LAMC3: variants seen among roughly 807,000 people sequenced by gnomAD.
LAMC3 encodes laminin subunit gamma 3.
LAMC3 carries 128 observed loss-of-function variants against 173.8 expected under a neutral mutation model. The observed-to-expected ratio is 0.74, with a 90% CI of 0.64 to 0.85. LAMC3 has a LOEUF of 0.85. LAMC3 is among the 40% of genes least tolerant of loss of function. The pLI is 0.00. For synonymous variants in LAMC3, 897 were observed against 909.1 expected, an observed-to-expected ratio of 0.99 and a Z score of 0.24; for missense variants, 2,022 against 2,156.0, an observed-to-expected ratio of 0.94 and a Z score of 1.23.
chr9:131,069,455 G>A lies in LAMC3; in HGVS notation c.2891-217G>A, dbSNP rs149393913. ...AGTTCCTAAACCTGGCTGGTCCTCAGATCCCGAGGGAACATTGGAATAAGC... is the reference window on the plus strand; with the variant it reads ...AGTTCCTAAACCTGGCTGGTCCTCAAATCCCGAGGGAACATTGGAATAAGC... On this transcript the variant is annotated intron_variant, in intron 16 of 27. Transcript: ENST00000361069. Among the ~76,000 whole-genome samples, 307 of 152,306 alleles carry A rather than the reference G, an allele frequency of 2.0e-3. 1 individual carries two copies. Among genetic ancestry groups the A allele is most frequent in the African/African-American group, 7.0e-3 (291 of 41,564 alleles).
rs983165029 is a variant in LAMC3 at position 131,029,371 on chromosome 9, G to A, written c.679-2674G>A. Among the ~76,000 whole-genome samples the A allele has an allele frequency of 4.6e-5, 7 of 152,228 alleles. No homozygotes were observed. Among genetic ancestry groups the A allele is most frequent in the African/African-American group, 1.7e-4 (7 of 41,460 alleles). On this transcript the variant is annotated intron_variant, in intron 2 of 27. Coordinates refer to ENST00000361069, the MANE Select transcript of LAMC3 (RefSeq NM_006059.4). This position sits in a 1 kb window ranked among gnomAD's most constrained non-coding sequence, Gnocchi z 4.6. ...GATTAGAAAACGTCACCCGAGGTCA[G>A]ATGAAGACAGGCAGGGAGGGCCGGC...
chr9:131,085,663 T>C lies in LAMC3; in HGVS notation c.4170T>C (p.Leu1390=), dbSNP rs1830318810. The change falls in exon 25 of 28, where the codon CTT becomes CTC. Residue 1390 remains leucine, a synonymous_variant. Transcript: ENST00000361069. ...AERMLGNAAP[L]SSSAKKKGRE... Reference sequence around the variant, plus strand: ...GGATGCTGGGAAACGCGGCCCCTCTTTCCTCCAGTGCCAAGAAGAAGGGCA... The same window carrying C: ...GGATGCTGGGAAACGCGGCCCCTCTCTCCTCCAGTGCCAAGAAGAAGGGCA... The C allele has an allele frequency of 1.1e-5, 17 of 1,614,102 alleles. No individual in the cohort carries two copies. The South Asian group carries it at 1.4e-4, about 14-fold the overall frequency.
At chr9:131,090,140 C>G (rs1011984833) in intron 27 of LAMC3, among the ~76,000 whole-genome samples, 1 of 152,116 alleles carries the variant, frequency 6.6e-6, no homozygotes, top group Non-Finnish European at 1.5e-5. Context: ...CACAGCCAGT[C>G]GGTAGGAAAG....
chr9:131,012,054 C>CACACACAT (rs1003451116), intron 1 of LAMC3, among the ~76,000 whole-genome samples: 2 of 107,730 alleles, frequency 1.9e-5, no homozygotes, highest in African/African-American at 3.8e-5. Context: ...AGCGAACACA[C>CACACACAT]ACACACATAC....
chr9:131,069,416 T>C (rs1019229762), intron 16 of LAMC3, among the ~76,000 whole-genome samples: 3 of 152,216 alleles, frequency 2.0e-5, no homozygotes, highest in Non-Finnish European at 2.9e-5. Context: ...CCTGTAGAGT[T>C]GGGCTGCATT....
At position 131,049,109 on chromosome 9, in the gene LAMC3, G is replaced by A. The variant is rs1011715171; in HGVS notation, c.1609G>A (p.Glu537Lys). ...PNGVLLSPED[E>K]EELTAPEKFL... is the part of the protein sequence containing the mutation. ...TGGGGTCCTCCTGAGCCCAGAAGAC[G>A]AGGAGGAGCTCACAGCACCAGGTAC... is the stretch of plus-strand genomic sequence containing the variant. The change falls in exon 9 of 28, where the codon GAG becomes AAG. Residue 537 changes from glutamate (E) to lysine (K), a missense_variant. Transcript: ENST00000361069. 1.6e-5 allele frequency: 25 copies of A among 1,550,718 alleles called. No individual in the cohort carries two copies. Among genetic ancestry groups the A allele is most frequent in the Admixed American group, 2.0e-5 (1 of 51,082 alleles).
At chr9:131,052,387 C>T in intron 9 of LAMC3, 104 bp from the exon 10 acceptor site, 2 of 1,138,710 alleles carry the variant, frequency 1.8e-6, no homozygotes, top group Non-Finnish European at 2.7e-6. Flanking sequence ...ACCCACTGCA[C>T]TTTTATCTTT....
Position 131,091,822 on chromosome 9 carries a change from C to A in LAMC3, c.*35C>A. Reference sequence around the variant, plus strand: ...AGATCCCCGGCACACACTCCCCCACCTGCTGTTTACATGACCCAGGGGGTG... The same window carrying A: ...AGATCCCCGGCACACACTCCCCCACATGCTGTTTACATGACCCAGGGGGTG... On this transcript the variant is annotated 3_prime_UTR_variant, in exon 28 of 28. Coordinates refer to ENST00000361069, the MANE Select transcript of LAMC3 (RefSeq NM_006059.4). The A allele has an allele frequency of 1.2e-6, 2 of 1,608,174 alleles. No individual in the cohort carries two copies. The highest frequency in any genetic ancestry group is 2.7e-5 in the African/African-American group (2 of 75,036).
intron 27 of LAMC3, among the ~76,000 whole-genome samples, chr9:131,090,213 T>A (rs1830400086): frequency 6.6e-6 from 1 of 152,188 alleles, no homozygotes; most frequent in African/African-American, 2.4e-5. Context: ...AGTCGACACC[T>A]AAGGCCCTGT....
At chr9:131,017,920 G>A (rs1324310018) in intron 1 of LAMC3, among the ~76,000 whole-genome samples, 3 of 151,652 alleles carry the variant, frequency 2.0e-5, no homozygotes. Context: ...CAGCTACCCA[G>A]GAGTCTGAGG....
chr9:131,077,705 A>C (rs925575817), intron 22 of LAMC3, among the ~76,000 whole-genome samples: 3 of 149,950 alleles, frequency 2.0e-5, no homozygotes, highest in Non-Finnish European at 3.0e-5. Context: ...AAAAAAAAAA[A>C]AAAAAAAACT....
At chr9:131,084,333 C>T (rs983039218) in intron 24 of LAMC3, among the ~76,000 whole-genome samples, 4 of 152,096 alleles carry the variant, frequency 2.6e-5, no homozygotes, top group African/African-American at 7.2e-5. Flanking sequence ...ACCTCAGTCT[C>T]GTGAGTAGCT....
intron 20 of LAMC3, among the ~76,000 whole-genome samples, chr9:131,075,472 G>C (rs1275387168): frequency 4.0e-5 from 6 of 151,138 alleles, no homozygotes; most frequent in Admixed American, 3.3e-4. Flanking sequence ...GCTGAGGTAG[G>C]AGAATCACTT....
intron 24 of LAMC3, among the ~76,000 whole-genome samples, chr9:131,083,813 A>G (rs1413214549): frequency 2.6e-5 from 4 of 151,316 alleles, no homozygotes; most frequent in African/African-American, 9.7e-5. Context: ...AAAGATTAGA[A>G]GGCTTTATTC....
Position 131,071,418 on chromosome 9 carries a change from C to A in LAMC3, c.3070-66C>A. ...GGGAGAGTGGCAGGGTAGAAGCCAG[C>A]GGGAGTGTCTGGGCAGGACCTCCAT... On this transcript the variant is annotated intron_variant, in intron 17 of 27. Transcript: ENST00000361069. 4 of 1,578,140 alleles carry A rather than the reference C, an allele frequency of 2.5e-6. No individual in the cohort carries two copies. The South Asian group carries it at 4.5e-5, about 18-fold the overall frequency.
At position 131,067,008 on chromosome 9, in the gene LAMC3, G is replaced by A. The variant is rs1829947627; in HGVS notation, c.2396G>A (p.Gly799Glu). 1 of 1,614,040 alleles carries A rather than the reference G, an allele frequency of 6.2e-7. No homozygotes were observed. Among genetic ancestry groups the A allele is most frequent in the Non-Finnish European group, 8.5e-7 (1 of 1,180,018 alleles). The change falls in exon 14 of 28, where the codon GGG (glycine) becomes GAG (glutamate). Residue 799 changes from glycine (G) to glutamate (E), a missense_variant. Coordinates refer to ENST00000361069, the MANE Select transcript of LAMC3 (RefSeq NM_006059.4). The part of the protein sequence containing the change: ...CDDGFFGDPL[G>E]LFGHPQPCHQ... ...GATGGCTTTTTTGGGGACCCGCTGG[G>A]GCTCTTTGGGCACCCCCAGCCCTGC... is the stretch of plus-strand genomic sequence containing the variant.
chr9:131,032,307 C>A, intron 3 of LAMC3, 132 bp downstream of exon 3: 1 of 820,888 alleles, frequency 1.2e-6, no homozygotes, highest in Non-Finnish European at 2.0e-6. Flanking sequence ...GAGGGAGCAC[C>A]TGCCATTCGA....
chr9:131,050,407 A>G (rs907672752), intron 9 of LAMC3, among the ~76,000 whole-genome samples: 1 of 152,222 alleles, frequency 6.6e-6, no homozygotes, highest in Non-Finnish European at 1.5e-5. Context: ...TCTGGCCAGC[A>G]TGTCCACCTT....
chr9:131,062,495 C>T (rs898487328), intron 13 of LAMC3, among the ~76,000 whole-genome samples: 4 of 152,112 alleles, frequency 2.6e-5, no homozygotes, highest in African/African-American at 9.7e-5. Flanking sequence ...TCAGGAAGTA[C>T]AATTTGCAAT....
Sources: gnomAD v4.1 joint callset for allele counts (sites outside exome capture counted in the v4.1 genomes callset) on GRCh38, gnomAD v4.1.1 for gene constraint, Gnocchi (gnomAD v3.1) non-coding constraint, MANE v1.5 for transcripts, NCBI Gene and HGNC (gene_info 2026-07-23, HGNC 2026-07-21) for gene names.